KCND3: variants seen among roughly 807,000 people sequenced by gnomAD.
The protein encoded by KCND3 is A-type voltage-gated potassium channel KCND3.
Under a neutral mutation model 51.1 loss-of-function variants are expected in KCND3, and 9 were observed. The ratio of observed to expected loss-of-function variants is 0.18; its 90% CI spans 0.11 to 0.31. The LOEUF is 0.31. KCND3 is among the 10% of genes least tolerant of loss of function. The pLI is 1.00. For missense variants in KCND3, 526 were observed against 903.8 expected, an observed-to-expected ratio of 0.58 and a Z score of 5.36; for synonymous variants, 349 against 368.0, an observed-to-expected ratio of 0.95 and a Z score of 0.59.
Position 111,843,103 on chromosome 1 carries a change from T to C in KCND3, c.1107-55997A>G, listed in dbSNP as rs116115811. ...TCATTGTCTTTCTCCCTCTGAGTTA[T>C]AGATTTTTTCCTAGACCTGAGCTCA... is the stretch of plus-strand genomic sequence containing the variant. On this transcript the variant is annotated intron_variant, in intron 2 of 7. Transcript: ENST00000302127. Among the ~76,000 whole-genome samples, 1,489 of 152,348 alleles carry C rather than the reference T, an allele frequency of 9.8e-3. 29 individuals carry two copies. The highest frequency in any genetic ancestry group is 0.034 in the African/African-American group (1,394 of 41,580).
intron 2 of KCND3, among the ~76,000 whole-genome samples, chr1:111,845,124 C>T (rs1350797854): frequency 6.6e-6 from 1 of 152,156 alleles, no homozygotes; most frequent in East Asian, 1.9e-4. Context: ...CACTGATGGC[C>T]TCTGATGCTA....
chr1:111,790,698 G>T (rs1311561259), intron 2 of KCND3, among the ~76,000 whole-genome samples: 1 of 152,202 alleles, frequency 6.6e-6, no homozygotes, highest in Non-Finnish European at 1.5e-5. Flanking sequence ...ACCCCTAAAA[G>T]AAATGTGTAC....
intron 1 of KCND3, among the ~76,000 whole-genome samples, chr1:111,983,340 G>A (rs1489005608): frequency 6.6e-6 from 1 of 152,172 alleles, no homozygotes; most frequent in African/African-American, 2.4e-5. Context: ...CCCAAGTCCA[G>A]AAAATTCTCT....
At chr1:111,818,040 G>GCGCACA (rs1182662358) in intron 2 of KCND3, among the ~76,000 whole-genome samples, 1 of 147,962 alleles carries the variant, frequency 6.8e-6, no homozygotes, top group Non-Finnish European at 1.5e-5. Flanking sequence ...ACACGCGCGT[G>GCGCACA]CACACACACA....
At chr1:111,788,802 G>A (rs1326107168) in intron 2 of KCND3, among the ~76,000 whole-genome samples, 2 of 152,186 alleles carry the variant, frequency 1.3e-5, no homozygotes, top group Non-Finnish European at 2.9e-5. Flanking sequence ...GATCTTGGGG[G>A]AATGTTACTC....
intron 3 of KCND3, among the ~76,000 whole-genome samples, chr1:111,783,246 C>G (rs1664465352): frequency 6.6e-6 from 1 of 150,600 alleles, no homozygotes; most frequent in African/African-American, 2.4e-5. Context: ...AGTGACTTAT[C>G]CAGGGAAAGG....
At chr1:111,830,120 G>A (rs1231294794) in intron 2 of KCND3, among the ~76,000 whole-genome samples, 3 of 152,160 alleles carry the variant, frequency 2.0e-5, no homozygotes, top group South Asian at 2.1e-4. Context: ...TCCCCACAAT[G>A]TGAGCTCTAT....
chr1:111,836,732 AC>A (rs535431728), intron 2 of KCND3, among the ~76,000 whole-genome samples: 31,014 of 151,714 alleles, frequency 0.2, 3,271 homozygotes, highest in Middle Eastern at 0.23. Flanking sequence ...ACCCCCAGCG[AC>A]CCCTGAGCCA....
At chr1:111,971,878 C>G (rs1024124272) in intron 2 of KCND3, among the ~76,000 whole-genome samples, 5 of 152,208 alleles carry the variant, frequency 3.3e-5, no homozygotes, top group Non-Finnish European at 5.9e-5. Flanking sequence ...GGGTGTCATT[C>G]CATTCCAGTC....
intron 1 of KCND3, chr1:111,988,599 C>G (rs1203987620): frequency 6.6e-6 from 1 of 152,196 alleles, no homozygotes; most frequent in Non-Finnish European, 1.5e-5. Context: ...AACATACAGG[C>G]TCCCTCGAAG....
At chr1:111,883,805 T>G (rs1018446455) in intron 2 of KCND3, among the ~76,000 whole-genome samples, 1 of 152,248 alleles carries the variant, frequency 6.6e-6, no homozygotes, top group Non-Finnish European at 1.5e-5. Flanking sequence ...TGCTAGGATA[T>G]GAGAGTACTC....
intron 2 of KCND3, among the ~76,000 whole-genome samples, chr1:111,793,496 G>A (rs56675520): frequency 6.6e-6 from 1 of 150,882 alleles, no homozygotes; most frequent in East Asian, 1.9e-4. Flanking sequence ...TTCTTAAAAT[G>A]CAAATCAAAG....
chr1:111,906,088 G>A (rs1489291502), intron 2 of KCND3, among the ~76,000 whole-genome samples: 1 of 152,252 alleles, frequency 6.6e-6, no homozygotes, highest in Non-Finnish European at 1.5e-5. Context: ...GTGAGCCCCA[G>A]AGTAGCCACT....
chr1:111,838,228 A>T (rs1396587260), intron 2 of KCND3, among the ~76,000 whole-genome samples: 4 of 152,196 alleles, frequency 2.6e-5, no homozygotes, highest in Admixed American at 2.6e-4. Flanking sequence ...ATTCTTCTAG[A>T]TGTCTCTACA....
At chr1:111,782,298 C>T (rs970570941) in intron 3 of KCND3, among the ~76,000 whole-genome samples, 2 of 152,142 alleles carry the variant, frequency 1.3e-5, no homozygotes, top group Admixed American at 6.5e-5. Flanking sequence ...AATTCAACTC[C>T]CTTCCCAGGC....
At chr1:111,821,613 T>C (rs540628411) in intron 2 of KCND3, among the ~76,000 whole-genome samples, 119 of 152,290 alleles carry the variant, frequency 7.8e-4, no homozygotes, top group African/African-American at 2.8e-3. Flanking sequence ...AGCTGAAGGC[T>C]GTGGGGCTCA....
chr1:111,950,937 A>G (rs375592378), intron 2 of KCND3, among the ~76,000 whole-genome samples: 2 of 152,226 alleles, frequency 1.3e-5, no homozygotes, highest in East Asian at 3.9e-4. Flanking sequence ...TTGGGAGGCC[A>G]AGTTGGTGGG....
chr1:111,860,534 C>G (rs1260654613), intron 2 of KCND3, among the ~76,000 whole-genome samples: 1 of 152,078 alleles, frequency 6.6e-6, no homozygotes, highest in Non-Finnish European at 1.5e-5. Context: ...TTCTCAGTCC[C>G]CCACCCCCCC....
In KCND3 at chr1:111,811,669, C is replaced by A. The variant is rs187081670; in HGVS notation, c.1107-24563G>T. Among the ~76,000 whole-genome samples the A allele has an allele frequency of 7.9e-5, 12 of 152,324 alleles. No homozygotes were observed. In the East Asian group the frequency reaches 1.9e-3, roughly 24 times the overall value. On this transcript the variant is annotated intron_variant, in intron 2 of 7. Coordinates refer to ENST00000302127, the MANE Select transcript of KCND3 (RefSeq NM_001378969.1). ...CCTAGGCCATGGACTCTCTGCCTCTCCTCTTTTCCTGTAGCACCCATAGTC... is the reference window on the plus strand; with the variant it reads ...CCTAGGCCATGGACTCTCTGCCTCTACTCTTTTCCTGTAGCACCCATAGTC...
Sources: allele counts gnomAD v4.1 joint callset (sites outside exome capture counted in the v4.1 genomes callset), GRCh38; gene constraint gnomAD v4.1.1; transcripts MANE v1.5; gene names NCBI Gene and HGNC (gene_info 2026-07-23, HGNC 2026-07-21).